CCDC171: variants seen among roughly 807,000 people sequenced by gnomAD.
CCDC171 encodes coiled-coil domain containing 171, also known as coiled-coil domain-containing protein 171.
In CCDC171, 177 loss-of-function variants were observed where a neutral mutation model predicts 168.2. The ratio of observed to expected loss-of-function variants is 1.05; its 90% confidence interval spans 0.93 to 1.19. The LOEUF (loss-of-function observed/expected upper bound fraction) is 1.19. Ranked by LOEUF, CCDC171 falls within the 50% of genes most tolerant of loss-of-function variation. The pLI, the probability that CCDC171 is intolerant of heterozygous loss-of-function variation, is 0.00. For synonymous variants in CCDC171, 687 were observed against 540.8 expected, an observed-to-expected ratio of 1.27 and a Z score of -3.75; for missense variants, 1,991 against 1,539.0, an observed-to-expected ratio of 1.29 and a Z score of -4.91.
chr9:15,644,975 A>C (rs2046920312), intron 7 of CCDC171, among the ~76,000 whole-genome samples: 1 of 152,336 alleles, frequency 6.6e-6, no homozygotes, highest in African/African-American at 2.4e-5. Context: ...TGAGTAGCCT[A>C]CCTGGGAGGC....
At chr9:16,092,363 G>A in the CCDC171 span, among the ~76,000 whole-genome samples, 5 of 152,280 alleles carry the variant, frequency 3.3e-5, no homozygotes, top group African/African-American at 7.2e-5. Context: ...AGGTGTGGGT[G>A]GCCCCCTCAG....
chr9:15,855,289 T>A (rs1233310611), intron 23 of CCDC171, among the ~76,000 whole-genome samples: 1 of 151,844 alleles, frequency 6.6e-6, no homozygotes, highest in Non-Finnish European at 1.5e-5. Context: ...ATTGACTCTT[T>A]TATCATTATA....
intron 6 of CCDC171, among the ~76,000 whole-genome samples, chr9:16,034,154 C>T (rs1162467527): frequency 6.6e-5 from 10 of 152,346 alleles, no homozygotes; most frequent in East Asian, 1.9e-4. Context: ...GAAGCAACAA[C>T]GTGCACTGAC....
At chr9:15,570,849 A>C (rs1000679540) in intron 2 of CCDC171, among the ~76,000 whole-genome samples, 89 of 152,190 alleles carry the variant, frequency 5.8e-4, no homozygotes, top group African/African-American at 2.0e-3. Context: ...ATTTGTATCT[A>C]ATGTCTTCTG....
At position 15,815,376 on chromosome 9, in the gene CCDC171, C is replaced by A. The variant is rs143801960; in HGVS notation, c.3267+30682C>A. 3.5e-3 allele frequency among the ~76,000 whole-genome samples: 172 copies of A among 48,910 alleles called. 46 individuals carry two copies. The highest frequency in any genetic ancestry group is 7.8e-3 in the Non-Finnish European group (157 of 20,016). The allele number at this position is 48,910 out of a possible 152,430, so 32.1% of individuals were successfully genotyped here. A position where few individuals can be genotyped will look rare whatever the true frequency, so the allele number is the denominator to read the frequency against. ...CATGCATGGGGAAGAAGAATTACTTCTTTTTGCAAAGAATATGTTTTCACT... is the reference window on the plus strand; with the variant it reads ...CATGCATGGGGAAGAAGAATTACTTATTTTTGCAAAGAATATGTTTTCACT... On this transcript the variant is annotated intron_variant, in intron 21 of 25. Transcript: ENST00000380701.
chr9:15,762,590 C>G (rs992173362), intron 18 of CCDC171, among the ~76,000 whole-genome samples: 1 of 152,094 alleles, frequency 6.6e-6, no homozygotes, highest in African/African-American at 2.4e-5. Context: ...AAAGGGATAT[C>G]AAGTGATAGA....
At chr9:15,739,500 CTT>C (rs1425922800) in intron 16 of CCDC171, among the ~76,000 whole-genome samples, 2 of 152,042 alleles carry the variant, frequency 1.3e-5, no homozygotes, top group Non-Finnish European at 2.9e-5. Flanking sequence ...AATTGTGTAA[CTT>C]CTCTAAACCT....
intron 21 of CCDC171, among the ~76,000 whole-genome samples, chr9:15,799,158 A>ATATATATATATATG (rs1444975198): frequency 5.9e-4 from 85 of 143,960 alleles, no homozygotes; most frequent in African/African-American, 2.1e-3. Context: ...ATATATATAT[A>ATATATATATATATG]TATATATACC....
At chr9:15,578,551 T>C (rs1381841753) in intron 3 of CCDC171, among the ~76,000 whole-genome samples, 1 of 151,118 alleles carries the variant, frequency 6.6e-6, no homozygotes, top group Non-Finnish European at 1.5e-5. Flanking sequence ...ATTACAGGAG[T>C]GAGCCACCGT....
chr9:15,707,867 A>C (rs2052364149), intron 11 of CCDC171, among the ~76,000 whole-genome samples: 1 of 152,204 alleles, frequency 6.6e-6, no homozygotes, highest in African/African-American at 2.4e-5. Context: ...TATTATTTTG[A>C]GATGGAGTCT....
chr9:15,988,866 C>T (rs558938079), intron 3 of CCDC171, among the ~76,000 whole-genome samples: 1 of 152,136 alleles, frequency 6.6e-6, no homozygotes, highest in African/African-American at 2.4e-5. Flanking sequence ...TGCAAAGCGG[C>T]AGCAGGGCTG....
At chr9:15,748,817 A>C (rs990928937) in intron 18 of CCDC171, among the ~76,000 whole-genome samples, 2 of 152,216 alleles carry the variant, frequency 1.3e-5, no homozygotes, top group African/African-American at 4.8e-5. Context: ...AGAGCTCCTG[A>C]AGGAAGCACT....
chr9:15,760,492 C>A (rs1032716288), intron 18 of CCDC171, among the ~76,000 whole-genome samples: 3 of 152,078 alleles, frequency 2.0e-5, no homozygotes, highest in Non-Finnish European at 4.4e-5. Context: ...TGTTATTGGG[C>A]AAATTACTTA....
At chr9:15,882,953 A>G (rs2131358509) in intron 24 of CCDC171, 1 of 83,258 alleles carries the variant, frequency 1.2e-5, no homozygotes, top group Middle Eastern at 7.0e-3. Flanking sequence ...CTTTTTGTTC[A>G]GATATTTTAC....
intron 8 of CCDC171, among the ~76,000 whole-genome samples, chr9:15,660,313 C>G (rs986196936): frequency 3.3e-5 from 5 of 152,004 alleles, no homozygotes; most frequent in Non-Finnish European, 5.9e-5. Flanking sequence ...TCTTTGTTTC[C>G]TTTTATGATT....
intron 10 of CCDC171, among the ~76,000 whole-genome samples, chr9:15,681,212 G>A (rs1366458363): frequency 1.3e-5 from 2 of 152,082 alleles, no homozygotes; most frequent in South Asian, 2.1e-4. Context: ...GCTGAAAATT[G>A]TAGGCTAATT....
At chr9:15,604,877 C>G (rs1338065927) in intron 6 of CCDC171, among the ~76,000 whole-genome samples, 1 of 152,106 alleles carries the variant, frequency 6.6e-6, no homozygotes, top group East Asian at 1.9e-4. Context: ...TGAACATCAA[C>G]AGATGGATGC....
At chr9:15,853,340 A>G (rs940429289) in intron 23 of CCDC171, among the ~76,000 whole-genome samples, 1 of 151,680 alleles carries the variant, frequency 6.6e-6, no homozygotes, top group South Asian at 2.1e-4. Context: ...TTGCAATGCT[A>G]TTTTAAATGG....
At chr9:15,857,726 G>A (rs746289441) in intron 23 of CCDC171, among the ~76,000 whole-genome samples, 12 of 151,540 alleles carry the variant, frequency 7.9e-5, no homozygotes, top group Non-Finnish European at 1.8e-4. Flanking sequence ...GCCTGGCCCA[G>A]TTTCATTCTT....
Sources: gnomAD v4.1 joint callset for allele counts (sites outside exome capture counted in the v4.1 genomes callset) on GRCh38, gnomAD v4.1.1 for gene constraint, MANE v1.5 for transcripts, NCBI Gene and HGNC (gene_info 2026-07-23, HGNC 2026-07-21) for gene names.